The following LHFPL6 variants were observed in gnomAD, a reference collection of about 807,000 sequenced individuals.
The protein encoded by LHFPL6 is LHFPL tetraspan subfamily member 6 protein.
A neutral mutation model predicts 20.6 loss-of-function variants in LHFPL6; 9 were observed. The ratio of observed to expected loss-of-function variants is 0.44; its 90% CI spans 0.26 to 0.76. LHFPL6 has a LOEUF of 0.76. Ranked by LOEUF, LHFPL6 falls within the 30% of genes least tolerant of loss-of-function variation. LHFPL6 has a pLI of 0.20. For synonymous variants in LHFPL6, 105 were observed against 98.7 expected, an observed-to-expected ratio of 1.06 and a Z score of -0.38; for missense variants, 218 against 253.5, an observed-to-expected ratio of 0.86 and a Z score of 0.95.
intron 3 of LHFPL6, among the ~76,000 whole-genome samples, chr13:39,349,094 C>T (rs1474946797): frequency 6.6e-6 from 1 of 152,092 alleles, no homozygotes; most frequent in Non-Finnish European, 1.5e-5. Flanking sequence ...AATTCAACAA[C>T]TGGTTAAGGT....
chr13:39,490,210 A>T (rs1868874443), intron 2 of LHFPL6, among the ~76,000 whole-genome samples: 1 of 152,184 alleles, frequency 6.6e-6, no homozygotes, highest in Non-Finnish European at 1.5e-5. Context: ...ATTCTAAAAC[A>T]CGGAATTCCG....
intron 2 of LHFPL6, among the ~76,000 whole-genome samples, chr13:39,582,688 AT>A (rs1484140474): frequency 6.6e-6 from 1 of 152,198 alleles, no homozygotes; most frequent in Non-Finnish European, 1.5e-5. Context: ...CAGACAGACG[AT>A]GACCTTGTTC....
intron 2 of LHFPL6, among the ~76,000 whole-genome samples, chr13:39,500,662 C>T (rs7325209): frequency 0.97 from 148,012 of 152,266 alleles, 72,068 homozygotes; most frequent in East Asian, 1. Flanking sequence ...TCAATTAAAT[C>T]ATAAATTTCT....
At chr13:39,524,753 C>T (rs6563720) in intron 2 of LHFPL6, among the ~76,000 whole-genome samples, 132,198 of 152,234 alleles carry the variant, frequency 0.87, 57,547 homozygotes, top group South Asian at 0.93. Context: ...CCTGCTATTA[C>T]AGAATTTACA....
At chr13:39,574,644 G>A (rs1196254810) in intron 2 of LHFPL6, among the ~76,000 whole-genome samples, 3 of 152,090 alleles carry the variant, frequency 2.0e-5, no homozygotes, top group South Asian at 4.1e-4. Flanking sequence ...GCAAGGTCTC[G>A]CATCCATAGT....
chr13:39,442,396 C>T (rs918204000), intron 2 of LHFPL6, among the ~76,000 whole-genome samples: 4 of 152,144 alleles, frequency 2.6e-5, no homozygotes, highest in African/African-American at 9.7e-5. Context: ...ACTTACATTG[C>T]CCCAAACAAG....
chr13:39,372,662 G>A (rs1047163937), intron 3 of LHFPL6, among the ~76,000 whole-genome samples: 3 of 152,186 alleles, frequency 2.0e-5, no homozygotes, highest in African/African-American at 7.2e-5. Flanking sequence ...CGGATTATAA[G>A]ATTGTTTTTA....
intron 3 of LHFPL6, among the ~76,000 whole-genome samples, chr13:39,366,573 G>A (rs1489153508): frequency 2.0e-5 from 3 of 152,186 alleles, no homozygotes; most frequent in Admixed American, 6.5e-5. Context: ...CTTAAGAACT[G>A]TGAAGGTTTG....
intron 2 of LHFPL6, among the ~76,000 whole-genome samples, chr13:39,382,183 T>C (rs927474896): frequency 1.3e-5 from 2 of 152,222 alleles, no homozygotes; most frequent in Admixed American, 1.3e-4. Flanking sequence ...TACTCCGGAA[T>C]GTCTCCTATA....
At chr13:39,597,297 A>G (rs1301130002) in intron 2 of LHFPL6, among the ~76,000 whole-genome samples, 1 of 152,238 alleles carries the variant, frequency 6.6e-6, no homozygotes, top group Non-Finnish European at 1.5e-5. Context: ...TGCAAGCACC[A>G]CCTGACAGAA....
At chr13:39,398,518 C>T (rs1870900818) in intron 2 of LHFPL6, among the ~76,000 whole-genome samples, 1 of 152,214 alleles carries the variant, frequency 6.6e-6, no homozygotes, top group Non-Finnish European at 1.5e-5. Flanking sequence ...TCTTCACTAG[C>T]CCAAACTTGA....
At chr13:39,572,740 T>A (rs773520211) in intron 2 of LHFPL6, among the ~76,000 whole-genome samples, 4 of 152,108 alleles carry the variant, frequency 2.6e-5, no homozygotes, top group Non-Finnish European at 5.9e-5. Flanking sequence ...GTTGCACAAA[T>A]AGCCAGATCT....
At chr13:39,513,783 C>A (rs915186121) in intron 2 of LHFPL6, among the ~76,000 whole-genome samples, 3 of 152,172 alleles carry the variant, frequency 2.0e-5, no homozygotes, top group Non-Finnish European at 4.4e-5. Context: ...CAAACACAGG[C>A]CTTTATGATC....
At chr13:39,398,937 T>A (rs1284156692) in intron 2 of LHFPL6, among the ~76,000 whole-genome samples, 1 of 152,118 alleles carries the variant, frequency 6.6e-6, no homozygotes, top group Non-Finnish European at 1.5e-5. Context: ...CATGGAAAAA[T>A]TGTCTCCACA....
chr13:39,462,423 C>T (rs73175141), intron 2 of LHFPL6, among the ~76,000 whole-genome samples: 23,902 of 152,132 alleles, frequency 0.16, 3,497 homozygotes, highest in East Asian at 0.51. Flanking sequence ...CACACCACAG[C>T]TTTAGGAAAT....
intron 2 of LHFPL6, among the ~76,000 whole-genome samples, chr13:39,481,958 A>G (rs1868541890): frequency 6.6e-6 from 1 of 152,156 alleles, no homozygotes; most frequent in African/African-American, 2.4e-5. Flanking sequence ...GGAACAGATT[A>G]TAGGGTGAAA....
chr13:39,540,992 A>G (rs909531016), intron 2 of LHFPL6, among the ~76,000 whole-genome samples: 2 of 152,266 alleles, frequency 1.3e-5, no homozygotes, highest in African/African-American at 4.8e-5. Flanking sequence ...TAACAAGTAC[A>G]CTGTCACCAA....
chr13:39,558,583 C>G lies in LHFPL6; in HGVS notation c.385+42249G>C, dbSNP rs144693648. On this transcript the variant is annotated intron_variant, in intron 2 of 3. Coordinates refer to ENST00000379589, the MANE Select transcript of LHFPL6 (RefSeq NM_005780.3). The stretch of plus-strand genomic sequence containing the variant: ...TACTTCCTCTGCTTACCAGATGACA[C>G]GATGATGATATCATTTTTAAAAGGC... 3.0e-4 allele frequency among the ~76,000 whole-genome samples: 45 copies of G among 152,246 alleles called. No homozygotes were observed. The East Asian group carries it at 7.9e-3, about 27-fold the overall frequency.
At chr13:39,564,308 A>G (rs1436089455) in intron 2 of LHFPL6, among the ~76,000 whole-genome samples, 1 of 152,214 alleles carries the variant, frequency 6.6e-6, no homozygotes, top group East Asian at 1.9e-4. Context: ...AGATTAAATG[A>G]GATGACCTCT....
Sources: gnomAD v4.1 joint callset for allele counts (sites outside exome capture counted in the v4.1 genomes callset) on GRCh38, gnomAD v4.1.1 for gene constraint, MANE v1.5 for transcripts, NCBI Gene and HGNC (gene_info 2026-07-23, HGNC 2026-07-21) for gene names.